The following CTNNA3 variants were observed in gnomAD, a reference collection of about 807,000 sequenced individuals.
The protein encoded by CTNNA3 is catenin alpha 3, also known as catenin alpha-3.
A neutral mutation model predicts 95.7 loss-of-function variants in CTNNA3; 76 were observed. The ratio of observed to expected loss-of-function variants is 0.79; its 90% CI spans 0.66 to 0.96. CTNNA3 has a LOEUF of 0.96. CTNNA3 is among the 40% of genes least tolerant of loss of function. The probability of loss-of-function intolerance (pLI) is 0.00; values close to 1 mark genes in which losing one functional copy is unlikely to be tolerated. For missense variants in CTNNA3, 1,191 were observed against 1,089.8 expected, an observed-to-expected ratio of 1.09 and a Z score of -1.31; for synonymous variants, 431 against 374.4, an observed-to-expected ratio of 1.15 and a Z score of -1.74.
chr10:67,609,734 A>G lies in CTNNA3; in HGVS notation c.100-2685T>C, dbSNP rs12573296. 4.6e-5 allele frequency among the ~76,000 whole-genome samples: 7 copies of G among 152,350 alleles called. No homozygotes were observed. The East Asian group carries it at 1.4e-3, about 29-fold the overall frequency. On this transcript the variant is annotated intron_variant, in intron 2 of 17. Coordinates refer to ENST00000433211, the MANE Select transcript of CTNNA3 (RefSeq NM_013266.4). The stretch of plus-strand genomic sequence containing the variant: ...ACAAATATTTGTTGGCATTTCATGT[A>G]TATTTTCTAGTTTGTTCCCCATGTA...
At chr10:67,119,763 A>G (rs1035336484) in intron 7 of CTNNA3, among the ~76,000 whole-genome samples, 1 of 151,942 alleles carries the variant, frequency 6.6e-6, no homozygotes. Flanking sequence ...ATTTTTAAAC[A>G]TCAGCAAATT....
At chr10:67,623,910 A>G (rs1410644953) in intron 2 of CTNNA3, among the ~76,000 whole-genome samples, 2 of 152,100 alleles carry the variant, frequency 1.3e-5, no homozygotes, top group Non-Finnish European at 1.5e-5. Flanking sequence ...TCCGTCTCCC[A>G]GGTTCAAGCG....
At chr10:66,949,798 A>G (rs776108477) in intron 7 of CTNNA3, among the ~76,000 whole-genome samples, 6 of 151,108 alleles carry the variant, frequency 4.0e-5, no homozygotes, top group South Asian at 4.2e-4. Context: ...CCCAATGCAC[A>G]CCTAAAAGGA....
chr10:66,846,292 CA>C (rs1843272287), intron 7 of CTNNA3, among the ~76,000 whole-genome samples: 1 of 152,002 alleles, frequency 6.6e-6, no homozygotes, highest in African/African-American at 2.4e-5. Flanking sequence ...TGATGGTTGC[CA>C]GGGGCTAAGG....
chr10:66,036,975 C>T (rs995103062), intron 15 of CTNNA3, among the ~76,000 whole-genome samples: 12 of 147,180 alleles, frequency 8.2e-5, no homozygotes. Flanking sequence ...TGGGTTCACG[C>T]CATTCTCCTG....
intron 9 of CTNNA3, among the ~76,000 whole-genome samples, chr10:66,725,903 G>A (rs1223897482): frequency 1.3e-5 from 2 of 152,048 alleles, no homozygotes; most frequent in Non-Finnish European, 2.9e-5. Flanking sequence ...TAATACTAGA[G>A]ATATCACTAA....
At chr10:67,596,435 A>G (rs1842933998) in intron 3 of CTNNA3, among the ~76,000 whole-genome samples, 1 of 152,146 alleles carries the variant, frequency 6.6e-6, no homozygotes, top group African/African-American at 2.4e-5. Flanking sequence ...GGTTTTAAGG[A>G]CCTCTTGAAA....
chr10:67,751,018 C>T, intron 1 of CTNNA3: 2 of 1,555,124 alleles, frequency 1.3e-6, no homozygotes, highest in Non-Finnish European at 1.8e-6. Flanking sequence ...AAAACCACAG[C>T]CCAGGTTCTG....
intron 7 of CTNNA3, among the ~76,000 whole-genome samples, chr10:67,109,772 G>A (rs1858822470): frequency 6.6e-6 from 1 of 152,208 alleles, no homozygotes; most frequent in Non-Finnish European, 1.5e-5. Context: ...GAATCTGGGA[G>A]GCGGAGCTTG....
chr10:67,335,213 T>C (rs1487343031), intron 5 of CTNNA3, among the ~76,000 whole-genome samples: 1 of 152,086 alleles, frequency 6.6e-6, no homozygotes, highest in Admixed American at 6.6e-5. Context: ...AATGTCCAAG[T>C]TGGAGTGAGT....
rs553019691 is a variant in CTNNA3, at chr10:67,672,975, A to T, written c.-6+23025T>A. On this transcript the variant is annotated intron_variant, in intron 1 of 17. Transcript: ENST00000433211. ...CAGTATGGCCATTTTCACGATATTG[A>T]TTCTTCCTACCCATGAGCATGGAAT... Among the ~76,000 whole-genome samples, 80 of 151,758 alleles carry T rather than the reference A, an allele frequency of 5.3e-4. 2 individuals carry two copies. Among genetic ancestry groups the T allele is most frequent in the African/African-American group, 1.8e-3 (76 of 41,432 alleles).
At chr10:66,218,064 G>A (rs2088668861) in intron 13 of CTNNA3, among the ~76,000 whole-genome samples, 1 of 152,098 alleles carries the variant, frequency 6.6e-6, no homozygotes, top group Non-Finnish European at 1.5e-5. Context: ...CTGTGAGGCA[G>A]GAGACCTGCC....
chr10:67,423,287 T>C (rs568585375), intron 5 of CTNNA3, among the ~76,000 whole-genome samples: 36 of 152,152 alleles, frequency 2.4e-4, no homozygotes, highest in Admixed American at 1.7e-3. Flanking sequence ...CTCCTAGGAG[T>C]AGCACACAAC....
chr10:66,571,409 T>A (rs972891040), intron 10 of CTNNA3, among the ~76,000 whole-genome samples: 24 of 152,174 alleles, frequency 1.6e-4, no homozygotes, highest in Non-Finnish European at 3.2e-4. Context: ...TTGGTCTACA[T>A]AATAATCCTG....
intron 1 of CTNNA3, among the ~76,000 whole-genome samples, chr10:67,739,234 A>G (rs1006114495): frequency 3.9e-5 from 6 of 152,228 alleles, no homozygotes; most frequent in Non-Finnish European, 7.3e-5. Flanking sequence ...TCAGACTAAC[A>G]GCAGAAACTC....
rs192951982 is a variant in CTNNA3, at chr10:67,741,081, T to G, written c.-2+22353A>C. Among the ~76,000 whole-genome samples the G allele has an allele frequency of 3.9e-3, 591 of 151,032 alleles. 18 individuals are homozygous for G. The highest frequency in any genetic ancestry group is 0.011 in the African/African-American group (470 of 41,316). ...AGAACAAAAAAACAAACACCGCATA[T>G]TCTCACTCATAGGTGGGAACTGAAC... On this transcript the variant is annotated intron_variant, in intron 1 of 17. Transcript: ENST00000684154.
chr10:66,014,592 G>A (rs572564551), intron 15 of CTNNA3, among the ~76,000 whole-genome samples: 3 of 152,186 alleles, frequency 2.0e-5, no homozygotes, highest in South Asian at 2.1e-4. Flanking sequence ...TCTAGTATAA[G>A]TACTGTCCAA....
At chr10:67,661,301 G>T (rs1840181391) in intron 1 of CTNNA3, among the ~76,000 whole-genome samples, 1 of 151,152 alleles carries the variant, frequency 6.6e-6, no homozygotes, top group Non-Finnish European at 1.5e-5. Flanking sequence ...GAGGGAGGGA[G>T]GGAAGAAAGA....
chr10:67,070,190 A>T (rs141549438), intron 7 of CTNNA3, among the ~76,000 whole-genome samples: 208 of 152,254 alleles, frequency 1.4e-3, no homozygotes, highest in African/African-American at 4.9e-3. Context: ...TGCAATTTGG[A>T]TATCCTCTTA....
Sources: gnomAD v4.1 joint callset for allele counts (sites outside exome capture counted in the v4.1 genomes callset) on GRCh38, gnomAD v4.1.1 for gene constraint, MANE v1.5 for transcripts, NCBI Gene and HGNC (gene_info 2026-07-23, HGNC 2026-07-21) for gene names.